Variants in ADGRG4 observed in about 807,000 individuals in gnomAD.
ADGRG4 encodes the protein adhesion G protein-coupled receptor G4, also known as G protein-coupled receptor 112.
A neutral mutation model predicts 126.2 loss-of-function variants in ADGRG4; 122 were observed. The ratio of observed to expected loss-of-function variants is 0.97; its 90% CI spans 0.83 to 1.12. The LOEUF is 1.12. Among genes scored for constraint, ADGRG4 ranks in the 50% most tolerant of loss-of-function variants. The pLI is 0.00. For synonymous variants in ADGRG4, 943 were observed against 838.7 expected, an observed-to-expected ratio of 1.12 and a Z score of -2.15; for missense variants, 2,481 against 2,251.8, an observed-to-expected ratio of 1.10 and a Z score of -2.06.
intron 17 of ADGRG4, among the ~76,000 whole-genome samples, 161 bp downstream of exon 17, chrX:136,392,515 A>G: frequency 8.9e-6 from 1 of 112,193 alleles, no homozygotes; most frequent in Non-Finnish European, 1.9e-5. Context: ...ACCTTCCAGA[A>G]ATAATGCCTT....
intron 5 of ADGRG4, among the ~76,000 whole-genome samples, chrX:136,333,680 G>A (rs2074928767): frequency 1.8e-5 from 2 of 110,041 alleles, no homozygotes; most frequent in South Asian, 7.8e-4. Context: ...ACCATGCCTG[G>A]CTAATTTTTG....
chrX:136,368,496 T>G (rs978395818), intron 13 of ADGRG4, among the ~76,000 whole-genome samples: 13 of 111,977 alleles, frequency 1.2e-4, no homozygotes, highest in Admixed American at 1.1e-3. Flanking sequence ...CACTCTCATT[T>G]GAGATGCTTC....
chrX:136,317,328 G>A (rs184979998), intron 4 of ADGRG4, among the ~76,000 whole-genome samples: 4 of 108,200 alleles, frequency 3.7e-5, no homozygotes, highest in Middle Eastern at 9.4e-3. Context: ...GTGAAACCCC[G>A]TCTCTACTAA....
At chrX:136,332,615 C>G (rs1490905753) in intron 5 of ADGRG4, among the ~76,000 whole-genome samples, 5 of 110,864 alleles carry the variant, frequency 4.5e-5, no homozygotes, top group Non-Finnish European at 9.5e-5. Context: ...AGTTTACAGT[C>G]CCACCAACAG....
At position 136,397,937 on chromosome X, in the gene ADGRG4, A is replaced by G; in HGVS notation, c.8241A>G (p.Thr2747=). The G allele has an allele frequency of 8.4e-7, 1 of 1,196,801 alleles. No individual in the cohort carries two copies. Among genetic ancestry groups the G allele is most frequent in the Non-Finnish European group, 1.1e-6 (1 of 881,831 alleles). ...ATGAACAGATATTAGCGCTTATAAC[A>G]TACACCGGATGTGGAATCTCCTCCA... ...SVNEQILALI[T]YTGCGISSIF... Residue 2747 remains threonine (T), a synonymous_variant, in exon 20 of 26, where the codon ACA becomes ACG. Coordinates refer to ENST00000394143, the MANE Select transcript of ADGRG4 (RefSeq NM_153834.4).
chrX:136,399,929 C>G lies in ADGRG4; in HGVS notation c.8388C>G (p.Ile2796Met), dbSNP rs761886652. The G allele has an allele frequency of 8.3e-7, 1 of 1,207,806 alleles. No homozygotes were observed. Among genetic ancestry groups the G allele is most frequent in the Non-Finnish European group, 1.1e-6 (1 of 893,305 alleles). ...ALLMLNLVFL[I>M]NSWLSSFQKV... ...TGATGCTAAACCTGGTATTTTTGAT[C>G]AATTCTTGGTTGTCATCATTTCAGA... The change falls in exon 21 of 26, where the codon ATC (isoleucine) becomes ATG (methionine). Residue 2796 changes from isoleucine (I) to methionine (M), a missense_variant. By Grantham distance (10) the Ile-to-Met change is conservative. Transcript: ENST00000394143.
chrX:136,378,127 A>G (rs1335808902), intron 15 of ADGRG4, among the ~76,000 whole-genome samples: 2 of 111,131 alleles, frequency 1.8e-5, no homozygotes, highest in Non-Finnish European at 3.8e-5. Context: ...ATTTAGTTCT[A>G]TTTACATTTC....
chrX:136,405,852 C>A lies in ADGRG4; in HGVS notation c.8815C>A (p.Leu2939Ile), dbSNP rs779521019. 7 of 1,208,458 alleles carry A rather than the reference C, an allele frequency of 5.8e-6. No homozygotes were observed. The South Asian group carries it at 1.3e-4, about 22-fold the overall frequency. The change falls in exon 23 of 26, where the codon CTC becomes ATC. Residue 2939 changes from leucine (L) to isoleucine (I), a missense_variant. Transcript: ENST00000394143. ...TCGGCGGAAGATGATCCTGCATGAC[C>A]TCAAAGGCACAATGAGCCTGACATT... Reference protein sequence around the residue: ...KTRRKMILHDLKGTMSLTFLL... With the variant: ...KTRRKMILHDIKGTMSLTFLL...
chrX:136,348,069 A>G lies in ADGRG4; in HGVS notation c.4363A>G (p.Ile1455Val). Residue 1455 changes from isoleucine (I) to valine (V), a missense_variant, in exon 6 of 26, where the codon ATT becomes GTT. Coordinates refer to ENST00000394143, the MANE Select transcript of ADGRG4 (RefSeq NM_153834.4). ...TGAGGTGACTTCAGTTGCCTCTTTC[A>G]TTTCTGAAAGCACACAGACTTTCCC... The part of the protein sequence containing the change: ...QPEVTSVASF[I>V]SESTQTFPES... The G allele has an allele frequency of 8.3e-7, 1 of 1,209,739 alleles. No homozygotes were observed. Among genetic ancestry groups the G allele is most frequent in the Non-Finnish European group, 1.1e-6 (1 of 893,808 alleles).
intron 13 of ADGRG4, among the ~76,000 whole-genome samples, chrX:136,366,194 C>T: frequency 1.8e-5 from 2 of 112,234 alleles, no homozygotes; most frequent in Middle Eastern, 9.3e-3. Flanking sequence ...CTTATTCATC[C>T]CTCCTTCCTC....
At position 136,403,223 on chromosome X, in the gene ADGRG4, T is replaced by C. The variant is rs762767050; in HGVS notation, c.8576-21T>C. On this transcript the variant is annotated intron_variant, in intron 21 of 25. Transcript: ENST00000394143. Reference sequence around the variant, plus strand: ...TCCCTGCTACCTGATGAAATGCCTTTGACTTGCTTTCCCACTGCAGGAATC... The same window carrying C: ...TCCCTGCTACCTGATGAAATGCCTTCGACTTGCTTTCCCACTGCAGGAATC... 4 of 1,192,705 alleles carry C rather than the reference T, an allele frequency of 3.4e-6. No individual in the cohort carries two copies. In the Admixed American group the frequency reaches 6.5e-5, roughly 19 times the overall value.
In ADGRG4 at chrX:136,348,170, C is replaced by A. The variant is rs778286578; in HGVS notation, c.4464C>A (p.Ala1488=). 4 of 1,206,471 alleles carry A rather than the reference C, an allele frequency of 3.3e-6. No homozygotes were observed. Among genetic ancestry groups the A allele is most frequent in the Admixed American group, 4.4e-5 (2 of 45,715 alleles). Residue 1488 remains alanine (A), a synonymous_variant, in exon 6 of 26, where the codon GCC becomes GCA. Coordinates refer to ENST00000394143, the MANE Select transcript of ADGRG4 (RefSeq NM_153834.4). ...TTCTCTCCGACAGGATCACTACAGCCTTTTCTGTTCCAAATGTACCTACAA... is the reference window on the plus strand; with the variant it reads ...TTCTCTCCGACAGGATCACTACAGCATTTTCTGTTCCAAATGTACCTACAA... ...FTVLSDRITT[A]FSVPNVPTML... is the part of the protein sequence containing the mutation.
At chrX:136,353,620 T>A (rs998110735) in intron 8 of ADGRG4, among the ~76,000 whole-genome samples, 1 of 111,436 alleles carries the variant, frequency 9.0e-6, no homozygotes, top group Non-Finnish European at 1.9e-5. Flanking sequence ...CAAAAGAAAA[T>A]CAATAGGGGA....
chrX:136,356,766 G>T, intron 9 of ADGRG4, among the ~76,000 whole-genome samples: 1 of 112,366 alleles, frequency 8.9e-6, no homozygotes, highest in Admixed American at 9.4e-5. Context: ...GGGAGGCTGA[G>T]GTGGGAGGAT....
rs58762419 is a variant in ADGRG4, at chrX:136,402,437, C to T, written c.8576-807C>T. 6.8e-3 allele frequency among the ~76,000 whole-genome samples: 760 copies of T among 111,094 alleles called. 9 individuals are homozygous for T. Among genetic ancestry groups the T allele is most frequent in the African/African-American group, 0.024 (728 of 30,515 alleles). Reference sequence around the variant, plus strand: ...GGTGCTGTGCTTGGGGTGGGCTATACAGATTTGAAGTGACCATCCTGTTTA... The same window carrying T: ...GGTGCTGTGCTTGGGGTGGGCTATATAGATTTGAAGTGACCATCCTGTTTA... On this transcript the variant is annotated intron_variant, in intron 21 of 25. Coordinates refer to ENST00000394143, the MANE Select transcript of ADGRG4 (RefSeq NM_153834.4).
At position 136,416,665 on chromosome X, in the gene ADGRG4, TA is replaced by T. The variant is rs199876863; in HGVS notation, c.*182del. On this transcript the variant is annotated 3_prime_UTR_variant, in exon 26 of 26. Coordinates refer to ENST00000394143, the MANE Select transcript of ADGRG4 (RefSeq NM_153834.4). ...TGTTCCACCAAAACCTATGGAAATTTAAAAAAAACAAAAATAAAAAGCAAAA... is the reference window on the plus strand; with the variant it reads ...TGTTCCACCAAAACCTATGGAAATTTAAAAAAACAAAAATAAAAAGCAAAA... The T allele has an allele frequency of 9.5e-6, 3 of 315,256 alleles. No individual in the cohort carries two copies. Among genetic ancestry groups the T allele is most frequent in the East Asian group, 4.9e-5 (1 of 20,382 alleles). The allele number at this position is 315,256 out of a possible 1,213,427, so 26.0% of individuals were successfully genotyped here. A position where few individuals can be genotyped will look rare whatever the true frequency, so the allele number is the denominator to read the frequency against.
intron 21 of ADGRG4, among the ~76,000 whole-genome samples, chrX:136,401,472 T>G (rs2075378881): frequency 9.0e-6 from 1 of 111,612 alleles, no homozygotes; most frequent in Non-Finnish European, 1.9e-5. Flanking sequence ...ACACATTTCT[T>G]GGGTTACAAG....
chrX:136,365,019 T>C (rs1410330209), intron 13 of ADGRG4, among the ~76,000 whole-genome samples: 3 of 111,928 alleles, frequency 2.7e-5, no homozygotes, highest in African/African-American at 9.7e-5. Context: ...AAAAGCACCT[T>C]TTTCGCAACT....
intron 8 of ADGRG4, among the ~76,000 whole-genome samples, chrX:136,355,097 A>G (rs1043358936): frequency 8.9e-6 from 1 of 112,101 alleles, no homozygotes; most frequent in Non-Finnish European, 1.9e-5. Context: ...GGGTGGGAGA[A>G]GATCAGAGAG....
Sources: allele counts gnomAD v4.1 joint callset (sites outside exome capture counted in the v4.1 genomes callset), GRCh38; gene constraint gnomAD v4.1.1; transcripts MANE v1.5; gene names NCBI Gene and HGNC (gene_info 2026-07-23, HGNC 2026-07-21).